The following LRCH1 variants were observed in gnomAD, a reference collection of about 807,000 sequenced individuals.
LRCH1 encodes leucine rich repeats and calponin homology domain containing 1, also known as leucine-rich repeat and calponin homology domain-containing protein 1.
A neutral mutation model predicts 94.9 loss-of-function variants in LRCH1; 23 were observed. The observed-to-expected ratio is 0.24, with a 90% CI of 0.17 to 0.34. The LOEUF is 0.34. LRCH1 is among the 10% of genes least tolerant of loss of function. The pLI is 1.00. For missense variants in LRCH1, 790 were observed against 945.9 expected (o/e 0.84, Z 2.16); for synonymous variants, 364 against 354.9 (o/e 1.03, Z -0.29).
Position 46,690,365 on chromosome 13 carries a change from C to T in LRCH1, c.1014+1169C>T, listed in dbSNP as rs116849836. On this transcript the variant is annotated intron_variant, in intron 7 of 19. Transcript: ENST00000389797. ...TTGCTTTAGTTGCATTTTAATTCATCCTCTTCAACTCCTAAGTCCTCGCAA... is the reference window on the plus strand; with the variant it reads ...TTGCTTTAGTTGCATTTTAATTCATTCTCTTCAACTCCTAAGTCCTCGCAA... Among the ~76,000 whole-genome samples the T allele has an allele frequency of 9.8e-3, 1,495 of 152,234 alleles. 24 individuals carry two copies. The highest frequency in any genetic ancestry group is 0.034 in the Middle Eastern group (10 of 294).
chr13:46,581,727 C>A (rs1311776779), intron 1 of LRCH1, among the ~76,000 whole-genome samples: 1 of 152,162 alleles, frequency 6.6e-6, no homozygotes, highest in Non-Finnish European at 1.5e-5. Flanking sequence ...TGAGAAAAGG[C>A]GGGACAAAAG....
chr13:46,642,821 A>G (rs1426618184), intron 1 of LRCH1, among the ~76,000 whole-genome samples: 1 of 152,196 alleles, frequency 6.6e-6, no homozygotes, highest in Non-Finnish European at 1.5e-5. Flanking sequence ...TGGCTTTCCC[A>G]TAGCCCAGTG....
rs1045504600 is a variant in LRCH1, at chr13:46,699,171, A to G, written c.1246-165A>G. 6.6e-5 allele frequency among the ~76,000 whole-genome samples: 10 copies of G among 152,378 alleles called. No individual in the cohort carries two copies. The East Asian group carries it at 1.9e-3, about 29-fold the overall frequency. ...GGCTGAGTAATATTCTAGTGCATGT[A>G]CATACCAGATTTGTTTATCTGTCCC... On this transcript the variant is annotated intron_variant, in intron 9 of 19. Coordinates refer to ENST00000389797, the MANE Select transcript of LRCH1 (RefSeq NM_001164211.2).
At chr13:46,628,742 G>C (rs2050982509) in intron 1 of LRCH1, among the ~76,000 whole-genome samples, 1 of 151,928 alleles carries the variant, frequency 6.6e-6, no homozygotes, top group South Asian at 2.1e-4. Flanking sequence ...GTGCAGTGTG[G>C]GGTGCTCTGT....
At chr13:46,678,270 A>G (rs1001296218) in intron 3 of LRCH1, among the ~76,000 whole-genome samples, 4 of 152,208 alleles carry the variant, frequency 2.6e-5, no homozygotes, top group African/African-American at 9.6e-5. Flanking sequence ...CACCTAGACT[A>G]TTATCTCCTG....
intron 1 of LRCH1, among the ~76,000 whole-genome samples, chr13:46,624,178 C>G (rs2050917416): frequency 6.6e-6 from 1 of 152,074 alleles, no homozygotes; most frequent in Non-Finnish European, 1.5e-5. Flanking sequence ...GCCACTACAC[C>G]CAGGCCCTGT....
chr13:46,740,041 A>G (rs867167460), intron 19 of LRCH1, among the ~76,000 whole-genome samples: 16 of 152,240 alleles, frequency 1.1e-4, no homozygotes, highest in Non-Finnish European at 2.2e-4. Context: ...AGTTTTGTGA[A>G]AATCACATTT....
chr13:46,567,145 G>A (rs758408340), intron 1 of LRCH1, among the ~76,000 whole-genome samples: 26 of 152,082 alleles, frequency 1.7e-4, no homozygotes, highest in Non-Finnish European at 3.7e-4. Context: ...AGAAATGAAC[G>A]AATTTCATCG....
intron 16 of LRCH1, chr13:46,717,297 T>C (rs1872370469): frequency 6.6e-6 from 1 of 152,214 alleles, no homozygotes; most frequent in Admixed American, 6.5e-5. Flanking sequence ...ATAATCATTG[T>C]GGAAATCTTT....
chr13:46,613,676 G>A (rs181263972), intron 1 of LRCH1, among the ~76,000 whole-genome samples: 99 of 152,308 alleles, frequency 6.5e-4, no homozygotes, highest in Non-Finnish European at 1.8e-4. Flanking sequence ...GATTTAATTG[G>A]TGTGTTGCAG....
At chr13:46,623,158 A>C (rs147784290) in intron 1 of LRCH1, among the ~76,000 whole-genome samples, 7 of 152,320 alleles carry the variant, frequency 4.6e-5, no homozygotes, top group African/African-American at 1.2e-4. Context: ...TGGGCTGTAG[A>C]TTCCATATGA....
chr13:46,627,158 A>C (rs949705934), intron 1 of LRCH1, among the ~76,000 whole-genome samples: 6 of 152,238 alleles, frequency 3.9e-5, no homozygotes, highest in African/African-American at 1.4e-4. Context: ...AATTGGAAAG[A>C]TAATTGACCA....
intron 1 of LRCH1, among the ~76,000 whole-genome samples, chr13:46,557,865 T>G (rs2050083057): frequency 2.0e-5 from 3 of 151,644 alleles, no homozygotes; most frequent in African/African-American, 7.3e-5. Flanking sequence ...TCTCAAAAAA[T>G]GAATGAATAA....
intron 2 of LRCH1, among the ~76,000 whole-genome samples, chr13:46,660,034 C>CTTTT (rs767544799): frequency 5.8e-5 from 6 of 103,664 alleles, no homozygotes; most frequent in Admixed American, 1.2e-4. Context: ...TTAGGAGTCA[C>CTTTT]TTTTTTTTTT....
At chr13:46,607,483 A>G (rs763563275) in intron 1 of LRCH1, among the ~76,000 whole-genome samples, 20 of 152,278 alleles carry the variant, frequency 1.3e-4, no homozygotes, top group Admixed American at 6.5e-5. Context: ...CTTTTTATAG[A>G]TAGAAACAAG....
intron 1 of LRCH1, among the ~76,000 whole-genome samples, chr13:46,626,555 C>T (rs548014258): frequency 2.0e-5 from 3 of 152,284 alleles, no homozygotes; most frequent in Admixed American, 6.5e-5. Flanking sequence ...TTAACTTCAC[C>T]GCCTATCCCA....
intron 1 of LRCH1, among the ~76,000 whole-genome samples, chr13:46,594,243 GAAA>G (rs1266865419): frequency 1.7e-5 from 2 of 119,894 alleles, no homozygotes; most frequent in Non-Finnish European, 1.8e-5. Context: ...TAATCTCAGT[GAAA>G]AAAAAAAAAA....
intron 1 of LRCH1, among the ~76,000 whole-genome samples, chr13:46,613,423 A>G (rs548644922): frequency 1.3e-5 from 2 of 151,522 alleles, no homozygotes; most frequent in East Asian, 3.9e-4. Flanking sequence ...CTAAAATTGT[A>G]TTTATACTCT....
chr13:46,740,026 A>C (rs1217842350), intron 19 of LRCH1, among the ~76,000 whole-genome samples: 1 of 152,212 alleles, frequency 6.6e-6, no homozygotes, highest in Non-Finnish European at 1.5e-5. Flanking sequence ...TAACATGAAA[A>C]TACTAGTTTT....
Sources: allele counts gnomAD v4.1 joint callset (sites outside exome capture counted in the v4.1 genomes callset), GRCh38; gene constraint gnomAD v4.1.1; transcripts MANE v1.5; gene names NCBI Gene and HGNC (gene_info 2026-07-23, HGNC 2026-07-21).